Variants in NKAIN2 observed in about 807,000 individuals in gnomAD.
The protein encoded by NKAIN2 is sodium/potassium transporting ATPase interacting 2, also known as sodium/potassium-transporting ATPase subunit beta-1-interacting protein 2.
In NKAIN2, 14 loss-of-function variants were observed where a neutral mutation model predicts 32.6. The observed-to-expected ratio is 0.43, with a 90% CI of 0.28 to 0.67. The LOEUF is 0.67. NKAIN2 is among the 30% of genes least tolerant of loss of function. The pLI is 0.17. For missense variants in NKAIN2, 198 were observed against 258.3 expected, an observed-to-expected ratio of 0.77 and a Z score of 1.60; for synonymous variants, 80 against 87.2, an observed-to-expected ratio of 0.92 and a Z score of 0.46.
intron 2 of NKAIN2, among the ~76,000 whole-genome samples, chr6:124,339,635 G>T (rs1468076693): frequency 1.3e-5 from 2 of 152,148 alleles, no homozygotes; most frequent in African/African-American, 4.8e-5. Flanking sequence ...GATACAGGTG[G>T]TTACATTGGA....
intron 3 of NKAIN2, among the ~76,000 whole-genome samples, chr6:124,569,749 C>T (rs576421951): frequency 1.3e-5 from 2 of 152,230 alleles, no homozygotes; most frequent in East Asian, 3.9e-4. Flanking sequence ...TCAGGTATGT[C>T]TTTATCAACA....
intron 1 of NKAIN2, among the ~76,000 whole-genome samples, chr6:124,107,053 G>A (rs1384070311): frequency 6.6e-6 from 1 of 152,070 alleles, no homozygotes. Context: ...GTAAGGCCTC[G>A]GGAGTTGTTG....
chr6:123,919,301 A>G (rs1009044170), intron 1 of NKAIN2, among the ~76,000 whole-genome samples: 4 of 152,092 alleles, frequency 2.6e-5, no homozygotes, highest in Non-Finnish European at 5.9e-5. Context: ...AAGATTTGAG[A>G]AAAGTTTAGA....
At chr6:124,640,150 T>C (rs913062347) in intron 3 of NKAIN2, among the ~76,000 whole-genome samples, 2 of 152,064 alleles carry the variant, frequency 1.3e-5, no homozygotes, top group African/African-American at 2.4e-5. Flanking sequence ...ACAGACACTA[T>C]ACGAGTCATA....
chr6:124,478,131 T>G (rs1777304047), intron 3 of NKAIN2, among the ~76,000 whole-genome samples: 1 of 152,122 alleles, frequency 6.6e-6, no homozygotes, highest in Non-Finnish European at 1.5e-5. Context: ...TGCCCTTCTC[T>G]TCAAGAATGC....
chr6:124,215,623 G>T (rs548004272), intron 1 of NKAIN2, among the ~76,000 whole-genome samples: 1 of 152,048 alleles, frequency 6.6e-6, no homozygotes, highest in Non-Finnish European at 1.5e-5. Flanking sequence ...AACTTCTAAA[G>T]AAAAATTATT....
intron 3 of NKAIN2, among the ~76,000 whole-genome samples, chr6:124,618,663 A>G (rs898607230): frequency 5.3e-5 from 8 of 152,190 alleles, no homozygotes; most frequent in Non-Finnish European, 8.8e-5. Flanking sequence ...TTTGAATGGA[A>G]CAATATATGC....
intron 1 of NKAIN2, among the ~76,000 whole-genome samples, chr6:124,255,071 A>G (rs933435979): frequency 4.6e-5 from 7 of 152,176 alleles, no homozygotes; most frequent in Non-Finnish European, 8.8e-5. Context: ...ATTCCTGTTC[A>G]ATTGCATTAG....
At chr6:124,085,391 A>G (rs972645192) in intron 1 of NKAIN2, among the ~76,000 whole-genome samples, 1 of 152,024 alleles carries the variant, frequency 6.6e-6, no homozygotes, top group East Asian at 1.9e-4. Flanking sequence ...ATAACAGTAT[A>G]TATACTTGCA....
chr6:124,001,215 T>C (rs1026205625), intron 1 of NKAIN2, among the ~76,000 whole-genome samples: 1 of 152,032 alleles, frequency 6.6e-6, no homozygotes, highest in Non-Finnish European at 1.5e-5. Flanking sequence ...TTTTTGGCTC[T>C]TTAAAGGGAA....
At chr6:124,283,893 G>C (rs1582987502) in intron 2 of NKAIN2, among the ~76,000 whole-genome samples, 2 of 152,106 alleles carry the variant, frequency 1.3e-5, no homozygotes, top group East Asian at 3.9e-4. Context: ...ATTTAAAATT[G>C]TAAAGCAGGT....
chr6:124,496,761 G>A (rs1310079769), intron 3 of NKAIN2, among the ~76,000 whole-genome samples: 1 of 152,012 alleles, frequency 6.6e-6, no homozygotes, highest in African/African-American at 2.4e-5. Context: ...TGTTATTTTT[G>A]TATTTAAAAT....
intron 5 of NKAIN2, 68 bp downstream of exon 5, chr6:124,791,467 C>A: frequency 9.8e-7 from 1 of 1,020,976 alleles, no homozygotes; most frequent in Non-Finnish European, 1.5e-6. Flanking sequence ...TCCTACTTAG[C>A]CTTCCTATTC....
At chr6:124,168,530 C>A (rs899702550) in intron 1 of NKAIN2, among the ~76,000 whole-genome samples, 2 of 151,718 alleles carry the variant, frequency 1.3e-5, no homozygotes, top group African/African-American at 4.8e-5. Flanking sequence ...ATTAATATAA[C>A]AAAAGTTAAA....
chr6:124,449,239 T>C (rs1003802983), intron 3 of NKAIN2, among the ~76,000 whole-genome samples: 3 of 152,266 alleles, frequency 2.0e-5, no homozygotes, highest in East Asian at 3.9e-4. Flanking sequence ...AATTTTTTTT[T>C]CCTAAAATAG....
chr6:124,282,676 C>A (rs907345547), intron 1 of NKAIN2, among the ~76,000 whole-genome samples: 2 of 152,192 alleles, frequency 1.3e-5, no homozygotes, highest in African/African-American at 4.8e-5. Context: ...ACTTCCCTGA[C>A]TTGCTGGTTG....
chr6:124,374,399 G>T (rs1356602014), intron 3 of NKAIN2, among the ~76,000 whole-genome samples: 1 of 151,996 alleles, frequency 6.6e-6, no homozygotes, highest in Non-Finnish European at 1.5e-5. Context: ...CCGATGTGCT[G>T]CTCCATTAAC....
chr6:124,062,244 C>A (rs1180606275), intron 1 of NKAIN2, among the ~76,000 whole-genome samples: 1 of 151,960 alleles, frequency 6.6e-6, no homozygotes, highest in Non-Finnish European at 1.5e-5. Context: ...TTTTAGCATA[C>A]CTTCTTAATG....
At chr6:124,406,864 ATATATC>A (rs1773882850) in intron 3 of NKAIN2, among the ~76,000 whole-genome samples, 1 of 152,058 alleles carries the variant, frequency 6.6e-6, no homozygotes, top group South Asian at 2.1e-4. Flanking sequence ...CTTTCCATCT[ATATATC>A]TATATATCTT....
Sources: gnomAD v4.1 joint callset for allele counts (sites outside exome capture counted in the v4.1 genomes callset) on GRCh38, gnomAD v4.1.1 for gene constraint, MANE v1.5 for transcripts, NCBI Gene and HGNC (gene_info 2026-07-23, HGNC 2026-07-21) for gene names.